The following SPTBN2 variants were observed in gnomAD, a reference collection of about 807,000 sequenced individuals.
The protein encoded by SPTBN2 is spectrin beta, non-erythrocytic 2, also known as spectrin beta chain, non-erythrocytic 2.
SPTBN2 carries 107 observed loss-of-function variants against 284.2 expected under a neutral mutation model. That is an observed-to-expected ratio of 0.38 (90% CI 0.32 to 0.44). The LOEUF is 0.44. Among genes scored for constraint, SPTBN2 ranks in the 20% least tolerant of loss-of-function variants. SPTBN2 has a pLI of 1.00. For missense variants in SPTBN2, 2,569 were observed against 3,287.1 expected, an observed-to-expected ratio of 0.78 and a Z score of 5.34; for synonymous variants, 1,289 against 1,354.8, an observed-to-expected ratio of 0.95 and a Z score of 1.07.
chr11:66,713,483 A>C lies in SPTBN2; in HGVS notation c.772+148T>G, dbSNP rs138407140. The C allele has an allele frequency of 9.0e-4, 675 of 748,048 alleles. 6 individuals are homozygous for C. In the East Asian group the frequency reaches 0.015, roughly 16 times the overall value. The allele number at this position is 748,048 out of a possible 1,614,324, so 46.3% of individuals were successfully genotyped here. On this transcript the variant is annotated intron_variant, in intron 8 of 37. Coordinates refer to ENST00000533211, the MANE Select transcript of SPTBN2 (RefSeq NM_006946.4). The stretch of plus-strand genomic sequence containing the variant: ...GTTGTGTAACCATCACCACTTTCTA[A>C]TTCCAGAACATTCTCTTCCCCCACC...
rs1456985458 is a variant in SPTBN2 at position 66,710,692 on chromosome 11, G to A, written c.963C>T (p.Ile321=). Residue 321 remains isoleucine (I), a synonymous_variant, in exon 10 of 38, where the codon ATC becomes ATT. Transcript: ENST00000533211. This position sits in a 1 kb window ranked among gnomAD's most constrained non-coding sequence, Gnocchi z 4.9. ...ESLASELLQW[I]EQTIVTLNDR... ...CATTGAGGGTCACGATCGTTTGCTCGATCCACTGCAGCAGCTCCGAGGCCA... is the reference window on the plus strand; with the variant it reads ...CATTGAGGGTCACGATCGTTTGCTCAATCCACTGCAGCAGCTCCGAGGCCA... 1.3e-5 allele frequency: 21 copies of A among 1,614,064 alleles called. No individual in the cohort carries two copies. The highest frequency in any genetic ancestry group is 3.3e-4 in the Middle Eastern group (2 of 6,084).
At chr11:66,714,043 T>C (rs1419208202) in intron 7 of SPTBN2, 48 bp downstream of exon 7, 5 of 1,596,176 alleles carry the variant, frequency 3.1e-6, no homozygotes, top group Non-Finnish European at 4.3e-6. Context: ...CCCCAGGTCA[T>C]TAGCCGACCC....
intron 3 of SPTBN2, among the ~76,000 whole-genome samples, chr11:66,719,485 T>C (rs1227603571): frequency 1.3e-5 from 2 of 152,248 alleles, no homozygotes; most frequent in African/African-American, 2.4e-5. Flanking sequence ...GCAAATCCCA[T>C]GCAGAGCTGC....
At chr11:66,723,131 T>C (rs1358843361) in intron 1 of SPTBN2, among the ~76,000 whole-genome samples, 2 of 151,780 alleles carry the variant, frequency 1.3e-5, no homozygotes, top group Non-Finnish European at 2.9e-5. Context: ...CCAGCACTAC[T>C]TACGGCTCTA....
At chr11:66,732,009 C>T (rs111962443), upstream of SPTBN2, among the ~76,000 whole-genome samples, 13 of 152,260 alleles carry the variant, frequency 8.5e-5, 1 homozygote, top group African/African-American at 3.1e-4. Context: ...AGAGTCATAA[C>T]CTCAGATCAC....
Position 66,683,128 on chromosome 11 carries a change from CG to C in SPTBN2, c.*2742del, listed in dbSNP as rs1939894282. Among the ~76,000 whole-genome samples, 1 of 125,130 alleles carries C rather than the reference CG, an allele frequency of 8.0e-6. No homozygotes were observed. Among genetic ancestry groups the C allele is most frequent in the South Asian group, 2.6e-4 (1 of 3,820 alleles). 82.1% of individuals were successfully genotyped at this position (125,130 alleles called of 152,430 possible). A position where few individuals can be genotyped will look rare whatever the true frequency, so the allele number is the denominator to read the frequency against. On this transcript the variant is annotated 3_prime_UTR_variant, in exon 38 of 38. Transcript: ENST00000533211. ...TGTCACCCAGGCTGGAGCGCAGTGG[CG>C]GCATCTCGGCTCACTGCAAGCTCCG...
chr11:66,698,906 CTCCGGT>C, intron 19 of SPTBN2, 80 bp downstream of exon 19: 1 of 1,600,392 alleles, frequency 6.2e-7, no homozygotes, highest in African/African-American at 1.3e-5. Context: ...GGCTCACAGT[CTCCGGT>C]ACCTTGTGCT....
chr11:66,720,856 G>A (rs1188156213), intron 3 of SPTBN2, among the ~76,000 whole-genome samples: 1 of 152,156 alleles, frequency 6.6e-6, no homozygotes, highest in Admixed American at 6.5e-5. Flanking sequence ...AGCCAGTCCA[G>A]GGGCCAGTGA....
intron 21 of SPTBN2, among the ~76,000 whole-genome samples, chr11:66,695,951 G>C (rs1480986392): frequency 1.3e-5 from 2 of 152,220 alleles, no homozygotes; most frequent in East Asian, 3.9e-4. Flanking sequence ...TGGCCAGGCT[G>C]GTCTTGAACT....
chr11:66,701,892 G>A (rs1941267883), intron 15 of SPTBN2, among the ~76,000 whole-genome samples, 171 bp from the exon 16 acceptor site: 1 of 151,960 alleles, frequency 6.6e-6, no homozygotes, highest in African/African-American at 2.4e-5. Flanking sequence ...GTGCATCAAG[G>A]AAGGAACCCA....
chr11:66,726,808 T>G (rs1007218758), intron 1 of SPTBN2, among the ~76,000 whole-genome samples: 1 of 152,128 alleles, frequency 6.6e-6, no homozygotes, highest in Non-Finnish European at 1.5e-5. Context: ...TTTGGCAAAG[T>G]TCAAATCTTA....
intron 13 of SPTBN2, among the ~76,000 whole-genome samples, chr11:66,706,788 G>T (rs1047906672): frequency 6.7e-6 from 1 of 150,176 alleles, no homozygotes; most frequent in African/African-American, 2.5e-5. Flanking sequence ...CGCTACCACC[G>T]CACCTGGTTA....
At chr11:66,717,420 G>A (rs181185554) in intron 3 of SPTBN2, among the ~76,000 whole-genome samples, 2 of 152,134 alleles carry the variant, frequency 1.3e-5, no homozygotes, top group African/African-American at 2.4e-5. Flanking sequence ...CTCAGAAACC[G>A]GAAAGACTCA....
At chr11:66,689,573 G>C (rs1362502091) in intron 29 of SPTBN2, among the ~76,000 whole-genome samples, 1 of 152,108 alleles carries the variant, frequency 6.6e-6, no homozygotes, top group Non-Finnish European at 1.5e-5. Flanking sequence ...CAAAGTGCTG[G>C]GATTACAGGC....
At chr11:66,689,063 C>A (rs1407707123) in intron 30 of SPTBN2, 33 bp downstream of exon 30, 1 of 1,586,180 alleles carries the variant, frequency 6.3e-7, no homozygotes, top group South Asian at 1.1e-5. Context: ...CCCCCCACTC[C>A]CCACAGGGCC....
At position 66,691,430 on chromosome 11, in the gene SPTBN2, G is replaced by A; in HGVS notation, c.5419C>T (p.Leu1807=). ...LAAAYELQRF[L]HGARQALARV... ...GCCAGGGCTTGGCGTGCCCCGTGCA[G>A]GAAGCGCTGCAGCTCGTACGCCGCG... Residue 1807 remains leucine, a synonymous_variant, in exon 27 of 38, where the codon CTG becomes TTG. Transcript: ENST00000533211. This position sits in a 1 kb window ranked among gnomAD's most constrained non-coding sequence, Gnocchi z 8.0. The A allele has an allele frequency of 6.2e-7, 1 of 1,612,380 alleles. No homozygotes were observed. The highest frequency in any genetic ancestry group is 8.5e-7 in the Non-Finnish European group (1 of 1,179,772).
At position 66,693,504 on chromosome 11, in the gene SPTBN2, C is replaced by A; in HGVS notation, c.4594-58G>T. The A allele has an allele frequency of 6.4e-7, 1 of 1,555,366 alleles. No homozygotes were observed. Among genetic ancestry groups the A allele is most frequent in the Non-Finnish European group, 8.6e-7 (1 of 1,158,366 alleles). ...AGTCCTGCCCCAGCCCCACGTGCTC[C>A]CGGAGACCACCCTTCACCCCTGTGC... On this transcript the variant is annotated intron_variant, in intron 23 of 37. Coordinates refer to ENST00000533211, the MANE Select transcript of SPTBN2 (RefSeq NM_006946.4). This position sits in a 1 kb window ranked among gnomAD's most constrained non-coding sequence, Gnocchi z 5.7.
chr11:66,728,458 T>A (rs1256233155), intron 1 of SPTBN2: 1 of 149,546 alleles, frequency 6.7e-6, no homozygotes, highest in Admixed American at 6.6e-5. Flanking sequence ...CCCGGGACCA[T>A]CTGGAGCCGG....
At chr11:66,689,036 C>A in intron 30 of SPTBN2, 60 bp downstream of exon 30, 1 of 1,550,492 alleles carries the variant, frequency 6.4e-7, no homozygotes. Context: ...ACTCTGGAAC[C>A]CACAGGGTGC....
Sources: allele counts gnomAD v4.1 joint callset (sites outside exome capture counted in the v4.1 genomes callset), GRCh38; gene constraint gnomAD v4.1.1; non-coding constraint Gnocchi (gnomAD v3.1); transcripts MANE v1.5; gene names NCBI Gene and HGNC (gene_info 2026-07-23, HGNC 2026-07-21).